ANKRD50: variants seen among roughly 807,000 people sequenced by gnomAD.
ANKRD50 encodes ankyrin repeat domain-containing protein 50.
Under a neutral mutation model 112.0 loss-of-function variants are expected in ANKRD50, and 40 were observed. The observed-to-expected ratio is 0.36, with a 90% CI of 0.28 to 0.46. The LOEUF (loss-of-function observed/expected upper bound fraction) is 0.46. ANKRD50 is among the 20% of genes least tolerant of loss of function. The probability of loss-of-function intolerance (pLI) is 1.00; values close to 1 mark genes in which losing one functional copy is unlikely to be tolerated. For missense variants in ANKRD50, 1,487 were observed against 1,701.7 expected (o/e 0.87, Z 2.22); for synonymous variants, 613 against 619.1 (o/e 0.99, Z 0.15).
intron 4 of ANKRD50, among the ~76,000 whole-genome samples, chr4:124,668,186 G>T (rs968101732): frequency 6.6e-6 from 1 of 151,780 alleles, no homozygotes; most frequent in Admixed American, 6.6e-5. Context: ...TATTATTAAT[G>T]AAGTATCCTT....
At chr4:124,706,105 C>G (rs1725497710) in intron 2 of ANKRD50, among the ~76,000 whole-genome samples, 1 of 152,040 alleles carries the variant, frequency 6.6e-6, no homozygotes, top group Non-Finnish European at 1.5e-5. Flanking sequence ...GGTTATTTCT[C>G]TCTATATGAA....
At chr4:124,684,475 C>T (rs918138424) in intron 2 of ANKRD50, among the ~76,000 whole-genome samples, 2 of 152,148 alleles carry the variant, frequency 1.3e-5, no homozygotes, top group Non-Finnish European at 2.9e-5. Context: ...CCTGCACATA[C>T]ATGGCTCATC....
chr4:124,704,203 A>T (rs1464986517), intron 2 of ANKRD50, among the ~76,000 whole-genome samples: 1 of 152,368 alleles, frequency 6.6e-6, no homozygotes, highest in East Asian at 1.9e-4. Flanking sequence ...TTAAAACTTG[A>T]ATAGTAATGG....
Position 124,669,462 on chromosome 4 carries a change from T to C in ANKRD50, c.3815A>G (p.Lys1272Arg). ...LKSTKASKGG[K>R]SENSAKSGSA... ...TCCAGACTTGGCAGAATTTTCTGAT[T>C]TCCCCCCTTTACTTGCTTTAGTTGA... Residue 1272 changes from lysine to arginine, a missense_variant, in exon 4 of 5, where the codon AAA (lysine) becomes AGA (arginine). Physicochemically the swap from Lys to Arg is conservative, Grantham distance 26 (BLOSUM62 2). Coordinates refer to ENST00000504087, the MANE Select transcript of ANKRD50 (RefSeq NM_020337.3). The C allele has an allele frequency of 6.2e-7, 1 of 1,612,470 alleles. No individual in the cohort carries two copies.
At chr4:124,673,974 A>C (rs961978136) in intron 3 of ANKRD50, among the ~76,000 whole-genome samples, 1 of 152,040 alleles carries the variant, frequency 6.6e-6, no homozygotes, top group African/African-American at 2.4e-5. Flanking sequence ...CAATTGTGAA[A>C]AAGTCACTGC....
chr4:124,709,766 A>C (rs1424155887), intron 2 of ANKRD50, among the ~76,000 whole-genome samples: 1 of 152,198 alleles, frequency 6.6e-6, no homozygotes, highest in Non-Finnish European at 1.5e-5. Context: ...TATGTTATTA[A>C]GTAAAATTAA....
intron 2 of ANKRD50, among the ~76,000 whole-genome samples, chr4:124,706,426 G>C (rs1033905456): frequency 6.6e-6 from 1 of 151,938 alleles, no homozygotes; most frequent in African/African-American, 2.4e-5. Context: ...TAATTATTAT[G>C]AACTAGTAAT....
At chr4:124,682,932 A>C (rs990457249) in intron 2 of ANKRD50, among the ~76,000 whole-genome samples, 1 of 152,030 alleles carries the variant, frequency 6.6e-6, no homozygotes, top group African/African-American at 2.4e-5. Context: ...TAATTTTGTA[A>C]CGTACATGTA....
chr4:124,703,911 G>T (rs976333898), intron 2 of ANKRD50, among the ~76,000 whole-genome samples: 2 of 152,094 alleles, frequency 1.3e-5, no homozygotes, highest in East Asian at 3.9e-4. Context: ...AGTGATTAGA[G>T]GTTGAGGACT....
chr4:124,677,837 A>C (rs1365912961), intron 3 of ANKRD50, among the ~76,000 whole-genome samples: 4 of 152,062 alleles, frequency 2.6e-5, no homozygotes, highest in Non-Finnish European at 2.9e-5. Flanking sequence ...GAGGAAAAGA[A>C]AGGAACGGTG....
chr4:124,688,724 G>A (rs1306177889), intron 2 of ANKRD50, among the ~76,000 whole-genome samples: 1 of 152,098 alleles, frequency 6.6e-6, no homozygotes, highest in Non-Finnish European at 1.5e-5. Context: ...TCTTAGATCA[G>A]ATCATTAACA....
intron 2 of ANKRD50, among the ~76,000 whole-genome samples, chr4:124,701,581 T>C (rs187882151): frequency 6.6e-5 from 10 of 152,270 alleles, no homozygotes; most frequent in South Asian, 6.2e-4. Flanking sequence ...GTTAGCATAA[T>C]AGATACAGGT....
intron 2 of ANKRD50, among the ~76,000 whole-genome samples, chr4:124,683,401 C>T (rs1009414539): frequency 2.6e-5 from 4 of 151,684 alleles, no homozygotes; most frequent in East Asian, 1.9e-4. Context: ...TCAGGGTAAT[C>T]GTGGTACCTA....
intron 2 of ANKRD50, among the ~76,000 whole-genome samples, chr4:124,704,303 G>A (rs978865794): frequency 1.3e-5 from 2 of 152,136 alleles, no homozygotes; most frequent in African/African-American, 2.4e-5. Flanking sequence ...GATTGATTAC[G>A]AATGTAATAT....
intron 2 of ANKRD50, among the ~76,000 whole-genome samples, chr4:124,704,971 A>G (rs1300183075): frequency 6.6e-6 from 1 of 151,922 alleles, no homozygotes; most frequent in Non-Finnish European, 1.5e-5. Context: ...GTGGGTGCCT[A>G]TAGTTCCAGC....
At chr4:124,676,091 T>C (rs1393858960) in intron 3 of ANKRD50, among the ~76,000 whole-genome samples, 1 of 151,712 alleles carries the variant, frequency 6.6e-6, no homozygotes, top group East Asian at 1.9e-4. Context: ...CATTTCAACT[T>C]AAAACGTAAG....
In ANKRD50 at chr4:124,671,401, C is replaced by T. The variant is rs1343556716; in HGVS notation, c.1876G>A (p.Val626Ile). The T allele has an allele frequency of 9.9e-6, 16 of 1,613,754 alleles. No homozygotes were observed. The highest frequency in any genetic ancestry group is 1.4e-5 in the Non-Finnish European group (16 of 1,179,876). The stretch of plus-strand genomic sequence containing the variant: ...CCAGCATAAAGTAGTGCAGAAACTA[C>T]CTCAGTATGGCCACCCCAAGCAGCA... ...RSAAWGGHTE[V>I]VSALLYAGVK... The change falls in exon 4 of 5, where the codon GTA becomes ATA. Residue 626 changes from valine to isoleucine, a missense_variant. By Grantham distance (29) the Val-to-Ile change is conservative. Transcript: ENST00000504087.
At chr4:124,692,628 T>C (rs1442532745) in intron 2 of ANKRD50, among the ~76,000 whole-genome samples, 1 of 152,046 alleles carries the variant, frequency 6.6e-6, no homozygotes, top group Non-Finnish European at 1.5e-5. Context: ...TCATGAATGG[T>C]ATTAATGTTC....
Position 124,671,956 on chromosome 4 carries a change from T to C in ANKRD50, c.1321A>G (p.Thr441Ala). 1 of 1,613,916 alleles carries C rather than the reference T, an allele frequency of 6.2e-7. No homozygotes were observed. The change falls in exon 4 of 5, where the codon ACC becomes GCC. Residue 441 changes from threonine (T) to alanine (A), a missense_variant. Around this residue, in one of 2 missense-constraint regions of ANKRD50, gnomAD observed 1,046 missense variants for 1,269.5 expected, o/e 0.82. Coordinates refer to ENST00000504087, the MANE Select transcript of ANKRD50 (RefSeq NM_020337.3). ...GGTGTTAAATTCTTGGCTTGACAGG[T>C]ATAACTCATAGCCAACATTCTGTGT... is the stretch of plus-strand genomic sequence containing the variant. Reference protein sequence around the residue: ...EGHRMLAMSYTCQAKNLTPLE... With the variant: ...EGHRMLAMSYACQAKNLTPLE...
Sources: allele counts gnomAD v4.1 joint callset (sites outside exome capture counted in the v4.1 genomes callset), GRCh38; gene constraint gnomAD v4.1.1; regional missense constraint gnomAD v4.1.1; transcripts MANE v1.5; gene names NCBI Gene and HGNC (gene_info 2026-07-23, HGNC 2026-07-21).